The following PARK7 variants were observed in gnomAD, a reference collection of about 807,000 sequenced individuals.
PARK7 encodes the protein Parkinsonism associated deglycase, also known as Parkinson disease protein 7.
PARK7 carries 14 observed loss-of-function variants against 20.5 expected under a neutral mutation model. The ratio of observed to expected loss-of-function variants is 0.68; its 90% CI spans 0.45 to 1.07. The LOEUF is 1.07. Ranked by LOEUF, PARK7 falls within the 50% of genes least tolerant of loss-of-function variation. PARK7 has a pLI of 0.00. For synonymous variants in PARK7, 98 were observed against 84.3 expected (o/e 1.16, Z -0.89); for missense variants, 234 against 238.1 (o/e 0.98, Z 0.11).
intron 6 of PARK7, among the ~76,000 whole-genome samples, chr1:7,983,982 CAGT>C (rs1412941361): frequency 6.6e-6 from 1 of 152,120 alleles, no homozygotes; most frequent in African/African-American, 2.4e-5. Context: ...GCTGCGAGGG[CAGT>C]AAATAGAATG....
At chr1:7,963,822 T>G (rs1409818830) in intron 2 of PARK7, among the ~76,000 whole-genome samples, 1 of 146,836 alleles carries the variant, frequency 6.8e-6, no homozygotes, top group African/African-American at 2.5e-5. Context: ...TGTGTGTCTT[T>G]TTTTTTTTTT....
intron 4 of PARK7, 125 bp from the exon 5 acceptor site, chr1:7,970,769 T>G: frequency 1.2e-6 from 1 of 856,772 alleles, no homozygotes; most frequent in South Asian, 1.4e-5. Flanking sequence ...TTAGAAATAT[T>G]GTTGGAAAAT....
rs11121064 is a variant in PARK7 at position 7,961,747 on chromosome 1, C to T, written c.-70C>T. On this transcript the variant is annotated 5_prime_UTR_variant, in exon 1 of 7. Coordinates refer to ENST00000338639, the MANE Select transcript of PARK7 (RefSeq NM_007262.5). ...CAGCCTGGTGTGGGGTGAGTGGTAC[C>T]CAACGGGCCGGGGCGCCGCGTCCGC... 0.046 allele frequency: 7,032 copies of T among 152,698 alleles called. 562 individuals carry two copies. The highest frequency in any genetic ancestry group is 0.16 in the African/African-American group (6,640 of 41,532). 9.5% of individuals were successfully genotyped at this position (152,698 alleles called of 1,614,324 possible).
At position 7,984,252 on chromosome 1, in the gene PARK7, G is replaced by A. The variant is rs561501467; in HGVS notation, c.410-642G>A. ...GGTTAGGCTCTGTGTGCAGTGGAGA[G>A]GCTGGTGACTACCTGCTGTGGAGGG... On this transcript the variant is annotated intron_variant, in intron 6 of 6. Transcript: ENST00000338639. The surrounding 1 kb of genome is among the most constrained non-coding windows in gnomAD (Gnocchi z 4.3). Among the ~76,000 whole-genome samples, 85 of 152,300 alleles carry A rather than the reference G, an allele frequency of 5.6e-4. No individual in the cohort carries two copies. Among genetic ancestry groups the A allele is most frequent in the Middle Eastern group, 3.4e-3 (1 of 294 alleles).
chr1:7,983,578 G>A (rs762100293), intron 6 of PARK7, among the ~76,000 whole-genome samples: 6 of 152,242 alleles, frequency 3.9e-5, no homozygotes, highest in Non-Finnish European at 8.8e-5. Context: ...AGGCCAGACC[G>A]CAGAGGGCTC....
chr1:7,982,106 C>T (rs1213693960), intron 6 of PARK7, among the ~76,000 whole-genome samples: 14 of 150,098 alleles, frequency 9.3e-5, no homozygotes, highest in African/African-American at 2.9e-4. Context: ...TCCTGAATAG[C>T]TGGGATTACA....
intron 5 of PARK7, chr1:7,971,309 A>G: frequency 1.3e-5 from 5 of 374,824 alleles, no homozygotes; most frequent in South Asian, 1.1e-4. Context: ...AGCAAAATCC[A>G]TCAAACATCA....
chr1:7,965,433 A>G lies in PARK7; in HGVS notation c.192+8A>G, dbSNP rs749908616. ...GAAGATGCAAAAAAAGAGGTTTGTA[A>G]TCCATACATGGAGTTATTCCTTCAT... On this transcript the variant is annotated splice_region_variant and intron_variant, in intron 3 of 6. Transcript: ENST00000338639. 1.2e-6 allele frequency: 2 copies of G among 1,611,534 alleles called. No individual in the cohort carries two copies. The highest frequency in any genetic ancestry group is 2.2e-5 in the South Asian group (2 of 91,018).
chr1:7,977,522 C>A, intron 5 of PARK7, 130 bp from the exon 6 acceptor site: 1 of 764,620 alleles, frequency 1.3e-6, no homozygotes, highest in Non-Finnish European at 2.2e-6. Flanking sequence ...TGGGCTCAAG[C>A]AATTTTTCTA....
intron 5 of PARK7, among the ~76,000 whole-genome samples, chr1:7,973,681 T>A (rs908526780): frequency 6.6e-6 from 1 of 151,196 alleles, no homozygotes; most frequent in Admixed American, 6.6e-5. Flanking sequence ...GCCATTGCAC[T>A]CCAGCCTGGG....
intron 6 of PARK7, among the ~76,000 whole-genome samples, chr1:7,982,188 T>C (rs994376526): frequency 8.6e-5 from 13 of 151,062 alleles, no homozygotes; most frequent in African/African-American, 3.2e-4. Flanking sequence ...GGTTTCACCA[T>C]GTTGGTCAGG....
chr1:7,970,805 TA>T, intron 4 of PARK7, 88 bp from the exon 5 acceptor site: 1 of 1,316,458 alleles, frequency 7.6e-7, no homozygotes, highest in Non-Finnish European at 1.1e-6. Flanking sequence ...TGGTTTAAAC[TA>T]AAATTAAATT....
chr1:7,963,675 C>T (rs1640261382), intron 2 of PARK7, among the ~76,000 whole-genome samples: 1 of 152,088 alleles, frequency 6.6e-6, no homozygotes, highest in African/African-American at 2.4e-5. Context: ...ATGCCCGGCC[C>T]CTCAGACTCG....
chr1:7,962,812 C>T lies in PARK7; in HGVS notation c.27C>T (p.Ile9=), dbSNP rs1418453283. The T allele has an allele frequency of 6.2e-7, 1 of 1,611,082 alleles. No homozygotes were observed. Among genetic ancestry groups the T allele is most frequent in the Non-Finnish European group, 8.5e-7 (1 of 1,179,088 alleles). Residue 9 remains isoleucine, a synonymous_variant, in exon 2 of 7, where the codon ATC becomes ATT. Coordinates refer to ENST00000338639, the MANE Select transcript of PARK7 (RefSeq NM_007262.5). ...TGGCTTCCAAAAGAGCTCTGGTCAT[C>T]CTGGCTAAAGGAGCAGAGGAAATGG... is the stretch of plus-strand genomic sequence containing the variant. MASKRALV[I]LAKGAEEMET... is the part of the protein sequence containing the mutation.
chr1:7,980,245 G>A (rs1640683268), intron 6 of PARK7, among the ~76,000 whole-genome samples: 1 of 151,960 alleles, frequency 6.6e-6, no homozygotes, highest in Non-Finnish European at 1.5e-5. Flanking sequence ...TTTACTTTAA[G>A]CTCATGGAGG....
rs1640772498 is a variant in PARK7 at position 7,984,330 on chromosome 1, C to T, written c.410-564C>T. 6.6e-6 allele frequency among the ~76,000 whole-genome samples: 1 copy of T among 152,118 alleles called. No individual in the cohort carries two copies. Among genetic ancestry groups the T allele is most frequent in the Non-Finnish European group, 1.5e-5 (1 of 68,030 alleles). ...AGTCCCAGTTTTGGTATTATATTTG[C>T]CAAGAAATAGCCAACCGGCGGGCCT... On this transcript the variant is annotated intron_variant, in intron 6 of 6. Coordinates refer to ENST00000338639, the MANE Select transcript of PARK7 (RefSeq NM_007262.5). The surrounding 1 kb of genome is among the most constrained non-coding windows in gnomAD (Gnocchi z 4.3).
chr1:7,971,132 C>A, intron 5 of PARK7, 169 bp downstream of exon 5: 3 of 731,098 alleles, frequency 4.1e-6, no homozygotes, highest in East Asian at 2.7e-5. Flanking sequence ...GAGATGAGGA[C>A]AATTGTTCTG....
At chr1:7,983,792 G>A (rs1339085214) in intron 6 of PARK7, among the ~76,000 whole-genome samples, 9 of 152,210 alleles carry the variant, frequency 5.9e-5, no homozygotes, top group South Asian at 4.1e-4. Flanking sequence ...GGGGACAGGC[G>A]AGAAAGGAGA....
At position 7,984,979 on chromosome 1, in the gene PARK7, G is replaced by A. The variant is rs768890106; in HGVS notation, c.495G>A (p.Ala165=). ...SRGPGTSFEF[A]LAIVEALNGK... is the part of the protein sequence containing the mutation. ...GGCCTGGGACCAGCTTCGAGTTTGCGCTTGCAATTGTTGAAGCCCTGAATG... is the reference window on the plus strand; with the variant it reads ...GGCCTGGGACCAGCTTCGAGTTTGCACTTGCAATTGTTGAAGCCCTGAATG... Residue 165 remains alanine (A), a synonymous_variant, in exon 7 of 7, where the codon GCG becomes GCA. Transcript: ENST00000338639. The surrounding 1 kb of genome is among the most constrained non-coding windows in gnomAD (Gnocchi z 4.3). 7 of 1,614,066 alleles carry A rather than the reference G, an allele frequency of 4.3e-6. No individual in the cohort carries two copies. The Admixed American group carries it at 5.0e-5, about 12-fold the overall frequency.
Sources: allele counts gnomAD v4.1 joint callset (sites outside exome capture counted in the v4.1 genomes callset), GRCh38; gene constraint gnomAD v4.1.1; non-coding constraint Gnocchi (gnomAD v3.1); transcripts MANE v1.5; gene names NCBI Gene and HGNC (gene_info 2026-07-23, HGNC 2026-07-21).